Variants in TBP observed in about 807,000 individuals in gnomAD.
TBP encodes the protein TATA-box-binding protein.
A neutral mutation model predicts 46.2 loss-of-function variants in TBP; 12 were observed. The ratio of observed to expected loss-of-function variants is 0.26; its 90% CI spans 0.17 to 0.42. The LOEUF is 0.42. TBP is among the 10% of genes least tolerant of loss of function. The pLI, the probability that TBP is intolerant of heterozygous loss-of-function variation, is 1.00. For synonymous variants in TBP, 157 were observed against 148.3 expected, an observed-to-expected ratio of 1.06 and a Z score of -0.42; for missense variants, 229 against 403.1, an observed-to-expected ratio of 0.57 and a Z score of 3.70.
intron 2 of TBP, among the ~76,000 whole-genome samples, chr6:170,557,624 A>C (rs1779052855): frequency 6.7e-6 from 1 of 149,612 alleles, no homozygotes; most frequent in African/African-American, 2.5e-5. Flanking sequence ...AATCCCAGCT[A>C]CTCGGGAGGC....
At chr6:170,563,728 G>C (rs571062987) in intron 3 of TBP, among the ~76,000 whole-genome samples, 2 of 152,200 alleles carry the variant, frequency 1.3e-5, no homozygotes, top group Non-Finnish European at 2.9e-5. Flanking sequence ...CGATATTCTT[G>C]GGATGGTGAT....
intron 3 of TBP, among the ~76,000 whole-genome samples, chr6:170,562,789 C>G (rs1779174088): frequency 6.6e-6 from 1 of 152,102 alleles, no homozygotes; most frequent in Non-Finnish European, 1.5e-5. Flanking sequence ...ATTTCATCTT[C>G]CTGAAAAACC....
intron 4 of TBP, among the ~76,000 whole-genome samples, chr6:170,565,901 T>C (rs1482631245): frequency 6.6e-6 from 1 of 151,912 alleles, no homozygotes; most frequent in African/African-American, 2.4e-5. Context: ...AGCAAGGCCT[T>C]GTTTCATCAG....
chr6:170,557,173 T>G (rs1040721978), intron 2 of TBP, 90 bp downstream of exon 2: 126 of 1,279,152 alleles, frequency 9.9e-5, no homozygotes, highest in Non-Finnish European at 1.4e-4. Flanking sequence ...TTTAATGATC[T>G]GTTTTTGAAA....
intron 3 of TBP, 145 bp downstream of exon 3, chr6:170,562,378 TG>T (rs1421550906): frequency 1.1e-6 from 1 of 924,558 alleles, no homozygotes; most frequent in Non-Finnish European, 1.6e-6. Flanking sequence ...ATCTCACATT[TG>T]GGAAAGGGAA....
intron 2 of TBP, among the ~76,000 whole-genome samples, chr6:170,561,252 CTAACA>C (rs752584716): frequency 8.1e-4 from 124 of 152,166 alleles, no homozygotes; most frequent in Non-Finnish European, 1.6e-3. Flanking sequence ...GACTTTAGTG[CTAACA>C]TAACTTTTGT....
chr6:170,571,890 G>A (rs181054286), intron 7 of TBP, among the ~76,000 whole-genome samples: 33 of 151,890 alleles, frequency 2.2e-4, no homozygotes, highest in Non-Finnish European at 4.3e-4. Flanking sequence ...TATCATTGCC[G>A]TCCTGCTTGG....
rs1057274838 is a variant in TBP, at chr6:170,557,310, G to A, written c.54+227G>A. Among the ~76,000 whole-genome samples the A allele has an allele frequency of 5.3e-5, 8 of 152,296 alleles. No homozygotes were observed. In the East Asian group the frequency reaches 1.5e-3, roughly 29 times the overall value. On this transcript the variant is annotated intron_variant, in intron 2 of 7. Transcript: ENST00000392092. ...ATATTTATGAAACACCTAATCTTTT[G>A]ATAAACACTTATGAGAATGTTCCAA... is the stretch of plus-strand genomic sequence containing the variant.
rs890220889 is a variant in TBP, at chr6:170,554,376, T to G, written c.-236T>G. ...AACGCGCGCCAGGGGTTCAGTGAGG[T>G]CGGGCAGGTTCGCTGTGGCGGGCGC... is the stretch of plus-strand genomic sequence containing the variant. On this transcript the variant is annotated 5_prime_UTR_variant, in exon 1 of 8. Coordinates refer to ENST00000392092, the MANE Select transcript of TBP (RefSeq NM_003194.5). The G allele has an allele frequency of 6.6e-6, 1 of 152,476 alleles. No homozygotes were observed. The highest frequency in any genetic ancestry group is 1.5e-5 in the Non-Finnish European group (1 of 68,252). 9.4% of individuals were successfully genotyped at this position (152,476 alleles called of 1,614,324 possible).
At chr6:170,566,788 C>T (rs1223898772) in intron 4 of TBP, 130 bp from the exon 5 acceptor site, 2 of 628,896 alleles carry the variant, frequency 3.2e-6, no homozygotes, top group Non-Finnish European at 5.6e-6. Flanking sequence ...AAATACAGAA[C>T]AAATATTTTG....
At chr6:170,569,406 T>A (rs1779331938) in intron 5 of TBP, among the ~76,000 whole-genome samples, 3 of 152,250 alleles carry the variant, frequency 2.0e-5, no homozygotes. Flanking sequence ...AAAGGTCATT[T>A]TGGCAGGCCT....
intron 6 of TBP, among the ~76,000 whole-genome samples, chr6:170,570,380 C>A (rs147028433): frequency 7.4e-4 from 113 of 152,310 alleles, no homozygotes; most frequent in Non-Finnish European, 1.4e-3. Context: ...TTTCCCTTTT[C>A]ACCTAGGAAG....
At chr6:170,562,574 T>A (rs1361270473) in intron 3 of TBP, among the ~76,000 whole-genome samples, 1 of 152,178 alleles carries the variant, frequency 6.6e-6, no homozygotes, top group Non-Finnish European at 1.5e-5. Context: ...TCTCTTTCCC[T>A]TATGCTATTT....
At chr6:170,564,457 A>C in intron 3 of TBP, 88 bp from the exon 4 acceptor site, 2 of 880,444 alleles carry the variant, frequency 2.3e-6, no homozygotes, top group Non-Finnish European at 3.5e-6. Flanking sequence ...TGGTTGAAAT[A>C]ATCAGATGTC....
chr6:170,561,236 T>C (rs1779133296), intron 2 of TBP, among the ~76,000 whole-genome samples: 1 of 152,240 alleles, frequency 6.6e-6, no homozygotes, highest in South Asian at 2.1e-4. Context: ...TATTGCACAC[T>C]TAATAGACTT....
chr6:170,560,011 T>A (rs1323584293), intron 2 of TBP, among the ~76,000 whole-genome samples: 1 of 152,238 alleles, frequency 6.6e-6, no homozygotes, highest in Admixed American at 6.5e-5. Context: ...TTACTGGATA[T>A]TTTAAGCTCT....
rs764132870 is a variant in TBP at position 170,572,715 on chromosome 6, C to T, written c.*450C>T. The stretch of plus-strand genomic sequence containing the variant: ...GTGTTGTTTTTCTAATTTATAACTC[C>T]TAGGGGTTATTTCTGTGCCAGACAC... On this transcript the variant is annotated 3_prime_UTR_variant, in exon 8 of 8. Transcript: ENST00000392092. 3.6e-5 allele frequency: 6 copies of T among 167,122 alleles called. No individual in the cohort carries two copies. The highest frequency in any genetic ancestry group is 1.8e-4 in the East Asian group (1 of 5,578). The allele number at this position is 167,122 out of a possible 1,614,324, so 10.4% of individuals were successfully genotyped here.
In TBP at chr6:170,561,950, C is replaced by CAGT; in HGVS notation, c.215_216insGTA (p.Gln72_Gln73insTer). The CAGT allele has an allele frequency of 6.7e-6, 1 of 150,200 alleles. No individual in the cohort carries two copies. The highest frequency in any genetic ancestry group is 8.2e-6 in the Non-Finnish European group (1 of 122,374). The allele number at this position is 150,200 out of a possible 1,614,324, so 9.3% of individuals were successfully genotyped here. On this transcript the variant is annotated stop_gained and inframe_insertion, in exon 3 of 8. Coordinates refer to ENST00000392092, the MANE Select transcript of TBP (RefSeq NM_003194.5). LOFTEE classifies it high-confidence loss of function. The stretch of plus-strand genomic sequence containing the variant: ...ACAGCAGCAGCAGCAGCAGCAGCAG[C>CAGT]AACAGCAACAGCAGCAGCAGCAGCA...
intron 4 of TBP, among the ~76,000 whole-genome samples, chr6:170,566,075 TA>T (rs888345027): frequency 1.5e-4 from 22 of 146,696 alleles, no homozygotes; most frequent in Non-Finnish European, 1.1e-4. Flanking sequence ...CTCTTGTCTC[TA>T]AAAAAAAAAA....
Sources: gnomAD v4.1 joint callset for allele counts (sites outside exome capture counted in the v4.1 genomes callset) on GRCh38, gnomAD v4.1.1 for gene constraint, MANE v1.5 for transcripts, NCBI Gene and HGNC (gene_info 2026-07-23, HGNC 2026-07-21) for gene names.